PEG3: variants seen among roughly 807,000 people sequenced by gnomAD.
The protein encoded by PEG3 is paternally-expressed gene 3 protein.
Under a neutral mutation model 35.5 loss-of-function variants are expected in PEG3, and 23 were observed. The observed-to-expected ratio is 0.65, with a 90% CI of 0.47 to 0.92. The LOEUF (loss-of-function observed/expected upper bound fraction) is 0.92, where lower values mean the gene tolerates loss of function less well. PEG3 is among the 40% of genes least tolerant of loss of function. PEG3 has a pLI of 0.00. For synonymous variants in PEG3, 707 were observed against 697.0 expected, an observed-to-expected ratio of 1.01 and a Z score of -0.23; for missense variants, 1,960 against 1,985.3, an observed-to-expected ratio of 0.99 and a Z score of 0.24.
chr19:56,818,682 ATT>A lies in PEG3; in HGVS notation c.688_689del (p.Asn230CysfsTer6). The A allele has an allele frequency of 3.7e-6, 6 of 1,614,144 alleles. No homozygotes were observed. Among genetic ancestry groups the A allele is most frequent in the Non-Finnish European group, 5.1e-6 (6 of 1,180,016 alleles). On this transcript the variant is annotated frameshift_variant, in exon 8 of 10. Coordinates refer to ENST00000326441, the MANE Select transcript of PEG3 (RefSeq NM_006210.3). LOFTEE classifies it high-confidence loss of function. ...TCCTGTCCTCAGCGAGGTCCACCAC[ATT>A]TTGGTATGATTCAGCATCCTAAAAC... The part of the protein sequence containing the change: ...SRSQDAESYQ[N>X]VVDLAEDRKP...
At chr19:56,830,301 C>G (rs1219752120) in intron 2 of PEG3, among the ~76,000 whole-genome samples, 1 of 152,108 alleles carries the variant, frequency 6.6e-6, no homozygotes, top group African/African-American at 2.4e-5. Context: ...TCCAGGAATA[C>G]AAGGAGGATG....
At chr19:56,831,813 T>C (rs1162593631) in intron 2 of PEG3, among the ~76,000 whole-genome samples, 1 of 152,256 alleles carries the variant, frequency 6.6e-6, no homozygotes, top group Admixed American at 6.5e-5. Flanking sequence ...TTTGTTGCTA[T>C]TAATAAATCT....
Position 56,814,572 on chromosome 19 carries a change from A to T in PEG3, c.3870T>A (p.Ser1290=), listed in dbSNP as rs34731776. Residue 1290 remains serine, a synonymous_variant, in exon 10 of 10, where the codon TCT becomes TCA. Transcript: ENST00000326441. This position sits in a 1 kb window ranked among gnomAD's most constrained non-coding sequence, Gnocchi z 5.8. ...RLFECAVCGE[S]FVNPAELADH... is the part of the protein sequence containing the mutation. The stretch of plus-strand genomic sequence containing the variant: ...CTGCAAGTTCTGCTGGGTTGACGAA[A>T]GATTCTCCACAGACTGCACATTCAA... 1.2e-3 allele frequency: 1,931 copies of T among 1,613,920 alleles called. 2 individuals are homozygous for T. Among genetic ancestry groups the T allele is most frequent in the Middle Eastern group, 3.8e-3 (23 of 6,058 alleles).
intron 1 of PEG3, among the ~76,000 whole-genome samples, chr19:56,839,999 G>T (rs540423058): frequency 6.6e-6 from 1 of 152,186 alleles, no homozygotes; most frequent in Non-Finnish European, 1.5e-5. Context: ...ACAGCCCTTC[G>T]CCCCTCCCAC....
intron 1 of PEG3, among the ~76,000 whole-genome samples, chr19:56,836,807 A>G (rs1166741219): frequency 6.6e-6 from 1 of 152,124 alleles, no homozygotes; most frequent in Non-Finnish European, 1.5e-5. Context: ...CTGGTCTACT[A>G]AAAATATAAA....
chr19:56,830,513 T>C (rs780754195), intron 2 of PEG3, among the ~76,000 whole-genome samples: 2 of 152,242 alleles, frequency 1.3e-5, no homozygotes, highest in Non-Finnish European at 2.9e-5. Flanking sequence ...ATTAAAGATG[T>C]TCCTCTGGAA....
At chr19:56,838,425 C>CA (rs1266370274) in intron 1 of PEG3, among the ~76,000 whole-genome samples, 3 of 152,308 alleles carry the variant, frequency 2.0e-5, no homozygotes, top group Non-Finnish European at 4.4e-5. Context: ...AGGGTGCTCT[C>CA]AGCCCTATCA....
intron 2 of PEG3, 62 bp from the exon 3 acceptor site, chr19:56,826,525 T>C (rs1036060548): frequency 6.6e-6 from 1 of 151,470 alleles, no homozygotes; most frequent in Admixed American, 6.6e-5. Context: ...GTAGAAGGAG[T>C]GTCAGAGAAT....
intron 2 of PEG3, among the ~76,000 whole-genome samples, chr19:56,829,587 A>C (rs1429245337): frequency 6.6e-6 from 1 of 152,212 alleles, no homozygotes; most frequent in Non-Finnish European, 1.5e-5. Flanking sequence ...AGGCAGGAAG[A>C]GGAAGTGCTG....
At chr19:56,839,938 T>C (rs7258812) in intron 1 of PEG3, among the ~76,000 whole-genome samples, 130,197 of 152,330 alleles carry the variant, frequency 0.85, 55,937 homozygotes, top group East Asian at 0.99. Flanking sequence ...CAGCCGCCCT[T>C]ATTTAAGATA....
intron 3 of PEG3, among the ~76,000 whole-genome samples, chr19:56,826,084 A>G (rs2061000187): frequency 6.6e-6 from 1 of 152,188 alleles, no homozygotes; most frequent in Admixed American, 6.5e-5. Context: ...GCCTTCCTTC[A>G]TAGGACTGAG....
chr19:56,818,580 TGAGA>T lies in PEG3; in HGVS notation c.772+16_772+19del. The T allele has an allele frequency of 6.2e-7, 1 of 1,613,768 alleles. No individual in the cohort carries two copies. Among genetic ancestry groups the T allele is most frequent in the Admixed American group, 1.7e-5 (1 of 60,012 alleles). On this transcript the variant is annotated intron_variant, in intron 8 of 9. Coordinates refer to ENST00000326441, the MANE Select transcript of PEG3 (RefSeq NM_006210.3). Reference sequence around the variant, plus strand: ...CTCCAATGACTGGACTGGGAGTGACTGAGAGAAGCAGCTGCTTACCGAGGGAGAG... The same window carrying T: ...CTCCAATGACTGGACTGGGAGTGACTGAAGCAGCTGCTTACCGAGGGAGAG...
rs764269213 is a variant in PEG3, at chr19:56,814,744, C to G, written c.3698G>C (p.Gly1233Ala). 3.7e-6 allele frequency: 6 copies of G among 1,614,000 alleles called. No individual in the cohort carries two copies. In the African/African-American group the frequency reaches 6.7e-5, roughly 18 times the overall value. ...SAIRCLLCGQ[G>A]FIHSSALNEH... ...ATTAAGGGCAGAGCTATGAATGAAG[C>G]CTTGTCCACACAAAAGGCATCGAAT... Residue 1233 changes from glycine to alanine, a missense_variant, in exon 10 of 10, where the codon GGC (glycine) becomes GCC (alanine). By Grantham distance (60) the Gly-to-Ala change is moderately conservative. Around this residue, in one of 5 missense-constraint regions of PEG3, gnomAD observed 124 missense variants for 179.6 expected, o/e 0.69. Transcript: ENST00000326441. This position sits in a 1 kb window ranked among gnomAD's most constrained non-coding sequence, Gnocchi z 5.8.
At chr19:56,824,860 G>C (rs1342554784) in intron 3 of PEG3, 119 bp from the exon 4 acceptor site, 6 of 548,698 alleles carry the variant, frequency 1.1e-5, no homozygotes, top group Non-Finnish European at 1.6e-5. Flanking sequence ...CAGTAAATAG[G>C]CAAACAACCG....
In PEG3 at chr19:56,816,654, A is replaced by ACG; in HGVS notation, c.1787_1788insCG (p.Glu597ValfsTer47). 1 of 1,613,326 alleles carries ACG rather than the reference A, an allele frequency of 6.2e-7. No individual in the cohort carries two copies. Among genetic ancestry groups the ACG allele is most frequent in the African/African-American group, 1.3e-5 (1 of 74,938 alleles). On this transcript the variant is annotated frameshift_variant, in exon 10 of 10. Transcript: ENST00000326441. LOFTEE classifies it low-confidence loss of function (END_TRUNC). Reference sequence around the variant, plus strand: ...CGCGCTCACGTTCACGTTCACGTTCATGTTCACGCTCATTATCTTTGTCAT... The same window carrying ACG: ...CGCGCTCACGTTCACGTTCACGTTCACGTGTTCACGCTCATTATCTTTGTCAT...
At chr19:56,835,946 G>A (rs768527712) in intron 2 of PEG3, 72 bp downstream of exon 2, 5 of 471,054 alleles carry the variant, frequency 1.1e-5, no homozygotes, top group Non-Finnish European at 1.7e-5. Flanking sequence ...CAGTAGGAAA[G>A]TGTCAGAGTA....
chr19:56,823,593 T>A lies in PEG3; in HGVS notation c.481A>T (p.Ser161Cys), dbSNP rs2060715483. The A allele has an allele frequency of 5.0e-6, 8 of 1,614,124 alleles. No homozygotes were observed. The highest frequency in any genetic ancestry group is 6.8e-6 in the Non-Finnish European group (8 of 1,180,000). ...SSPPHSVHSF[S>C]DRDWDRRGRS... ...ACCAGTGGGGATGGGTACTCACCAC[T>A]GAAAGAATGGACTGAGTGAGGTGGT... is the stretch of plus-strand genomic sequence containing the variant. Residue 161 changes from serine to cysteine, a missense_variant and splice_region_variant, in exon 5 of 10, where the codon AGT becomes TGT. Transcript: ENST00000326441.
intron 6 of PEG3, 75 bp from the exon 7 acceptor site, chr19:56,821,829 T>G (rs905346438): frequency 6.6e-7 from 1 of 1,519,286 alleles, no homozygotes; most frequent in Non-Finnish European, 9.1e-7. Flanking sequence ...CCCACTCAAC[T>G]ATGAAGCCAG....
In PEG3 at chr19:56,816,633, C is replaced by CTCACGTTCACGT. The variant is rs748431268; in HGVS notation, c.1797_1808dup (p.Glu601_Arg604dup). 1.9e-6 allele frequency: 3 copies of CTCACGTTCACGT among 1,613,650 alleles called. No homozygotes were observed. The highest frequency in any genetic ancestry group is 1.3e-5 in the African/African-American group (1 of 74,924). On this transcript the variant is annotated inframe_insertion, in exon 10 of 10. Transcript: ENST00000326441. ...GGCTGGGCCTAAAGGTTTCCCCGCG[C>CTCACGTTCACGT]TCACGTTCACGTTCACGTTCATGTT...
Sources: gnomAD v4.1 joint callset for allele counts (sites outside exome capture counted in the v4.1 genomes callset) on GRCh38, gnomAD v4.1.1 for gene constraint, gnomAD v4.1.1 regional missense constraint, Gnocchi (gnomAD v3.1) non-coding constraint, MANE v1.5 for transcripts, NCBI Gene and HGNC (gene_info 2026-07-23, HGNC 2026-07-21) for gene names.